The following THSD4 variants were observed in gnomAD, a reference collection of about 807,000 sequenced individuals.
THSD4 encodes thrombospondin type-1 domain-containing protein 4.
In THSD4, 69 loss-of-function variants were observed where a neutral mutation model predicts 119.0. That is an observed-to-expected ratio of 0.58 (90% CI 0.48 to 0.71). The LOEUF (loss-of-function observed/expected upper bound fraction) is 0.71, where lower values mean the gene tolerates loss of function less well. THSD4 is among the 30% of genes least tolerant of loss of function. THSD4 has a pLI of 0.00. For missense variants in THSD4, 1,393 were observed against 1,391.1 expected (o/e 1.00, Z -0.02); for synonymous variants, 524 against 540.4 (o/e 0.97, Z 0.42).
At chr15:71,111,541 T>C, upstream of THSD4, 1 of 746,142 alleles carries the variant, frequency 1.3e-6, no homozygotes, top group Non-Finnish European at 2.2e-6. Flanking sequence ...TCAAAGTGTT[T>C]TGTTTTGTTT....
intron 3 of THSD4, among the ~76,000 whole-genome samples, chr15:71,194,000 C>G (rs1019834502): frequency 6.6e-6 from 1 of 152,164 alleles, no homozygotes; most frequent in African/African-American, 2.4e-5. Context: ...CGTGAGCCAC[C>G]GCGCCCGGCC....
At chr15:71,242,403 A>G (rs952772502) in intron 4 of THSD4, among the ~76,000 whole-genome samples, 2 of 152,150 alleles carry the variant, frequency 1.3e-5, no homozygotes, top group Admixed American at 6.5e-5. Flanking sequence ...AACCACTTGC[A>G]TCATCCACTG....
chr15:71,427,537 G>C (rs558788449), intron 7 of THSD4, among the ~76,000 whole-genome samples: 3 of 150,528 alleles, frequency 2.0e-5, no homozygotes, highest in Non-Finnish European at 4.4e-5. Context: ...ACAGGTGAAG[G>C]CAATGTTACT....
At chr15:71,199,452 TGG>T (rs770518842) in intron 3 of THSD4, among the ~76,000 whole-genome samples, 1,503 of 109,096 alleles carry the variant, frequency 0.014, 36 homozygotes, top group African/African-American at 0.043. Flanking sequence ...TGTGTGTGTG[TGG>T]GGGGGGGTGT....
chr15:71,188,313 C>T (rs949338976), intron 3 of THSD4, among the ~76,000 whole-genome samples: 1 of 151,978 alleles, frequency 6.6e-6, no homozygotes, highest in African/African-American at 2.4e-5. Flanking sequence ...GTGTGGGAGC[C>T]GTGAGAGTTA....
At chr15:71,237,654 G>A (rs1224896026) in intron 4 of THSD4, among the ~76,000 whole-genome samples, 4 of 152,134 alleles carry the variant, frequency 2.6e-5, no homozygotes, top group Admixed American at 1.3e-4. Flanking sequence ...CACTTTTCAG[G>A]CTCTAGTCTG....
intron 7 of THSD4, among the ~76,000 whole-genome samples, chr15:71,523,619 C>T (rs774586046): frequency 6.6e-6 from 1 of 152,092 alleles, no homozygotes; most frequent in African/African-American, 2.4e-5. Context: ...GGGTAGGGTG[C>T]AGACACTGGG....
At chr15:71,651,562 C>T (rs2051090614) in intron 7 of THSD4, among the ~76,000 whole-genome samples, 1 of 152,152 alleles carries the variant, frequency 6.6e-6, no homozygotes, top group Non-Finnish European at 1.5e-5. Flanking sequence ...CCTATATATT[C>T]CCCAATGTTG....
At chr15:71,680,424 T>C (rs1245860188) in intron 8 of THSD4, among the ~76,000 whole-genome samples, 2 of 152,210 alleles carry the variant, frequency 1.3e-5, no homozygotes, top group East Asian at 1.9e-4. Flanking sequence ...GTTTTTAGAA[T>C]TGCTGCGAGA....
At chr15:71,462,938 T>C (rs2047447691) in intron 7 of THSD4, among the ~76,000 whole-genome samples, 1 of 152,182 alleles carries the variant, frequency 6.6e-6, no homozygotes, top group Admixed American at 6.5e-5. Context: ...TCCAGTTGAT[T>C]TGGATGTTAT....
At chr15:71,350,364 G>A (rs529883618) in intron 6 of THSD4, among the ~76,000 whole-genome samples, 26 of 151,458 alleles carry the variant, frequency 1.7e-4, no homozygotes, top group African/African-American at 6.1e-4. Flanking sequence ...TTCTTGGTGG[G>A]GAGCCCTAGA....
chr15:71,504,004 C>G (rs1355876798), intron 7 of THSD4, among the ~76,000 whole-genome samples: 2 of 152,176 alleles, frequency 1.3e-5, no homozygotes, highest in Non-Finnish European at 2.9e-5. Flanking sequence ...GACTCAGTTA[C>G]TCAGTGCATT....
At chr15:71,545,010 G>A (rs972332807) in intron 7 of THSD4, among the ~76,000 whole-genome samples, 1 of 152,166 alleles carries the variant, frequency 6.6e-6, no homozygotes, top group Non-Finnish European at 1.5e-5. Flanking sequence ...CTTGGAGGAG[G>A]GGAAATGGAG....
intron 8 of THSD4, among the ~76,000 whole-genome samples, chr15:71,674,779 G>A (rs958395655): frequency 3.3e-5 from 5 of 152,138 alleles, no homozygotes; most frequent in African/African-American, 4.8e-5. Context: ...GGGGAGGCGG[G>A]TGCTGCTGGC....
intron 7 of THSD4, among the ~76,000 whole-genome samples, chr15:71,443,785 G>C (rs1026546771): frequency 3.9e-5 from 6 of 152,226 alleles, no homozygotes; most frequent in Non-Finnish European, 8.8e-5. Flanking sequence ...CAGCTGTTAA[G>C]CTCTATATTG....
chr15:71,280,396 TA>T (rs1209443118), intron 6 of THSD4, among the ~76,000 whole-genome samples: 1 of 152,124 alleles, frequency 6.6e-6, no homozygotes, highest in East Asian at 1.9e-4. Flanking sequence ...TCAGGAAAAT[TA>T]ATCTGGCAGC....
chr15:71,486,089 G>C (rs1044567272), intron 7 of THSD4, among the ~76,000 whole-genome samples: 4 of 152,044 alleles, frequency 2.6e-5, no homozygotes, highest in Non-Finnish European at 5.9e-5. Flanking sequence ...GACATGTGGA[G>C]TTTTATATAT....
intron 7 of THSD4, among the ~76,000 whole-genome samples, chr15:71,441,443 C>G (rs1232245399): frequency 3.2e-5 from 2 of 62,488 alleles, no homozygotes; most frequent in Non-Finnish European, 6.8e-5. Context: ...CTCTTTTGCC[C>G]AGGCTGGAGT....
intron 2 of THSD4, among the ~76,000 whole-genome samples, chr15:71,142,507 A>G (rs1035385973): frequency 2.0e-4 from 30 of 152,168 alleles, no homozygotes; most frequent in African/African-American, 7.0e-4. Flanking sequence ...TTTACTTTAT[A>G]AGTTTAAATT....
Sources: gnomAD v4.1 joint callset for allele counts (sites outside exome capture counted in the v4.1 genomes callset) on GRCh38, gnomAD v4.1.1 for gene constraint, MANE v1.5 for transcripts, NCBI Gene and HGNC (gene_info 2026-07-23, HGNC 2026-07-21) for gene names.